MAGI3: variants seen among roughly 807,000 people sequenced by gnomAD.
The protein encoded by MAGI3 is membrane-associated guanylate kinase, WW and PDZ domain-containing protein 3.
A neutral mutation model predicts 121.8 loss-of-function variants in MAGI3; 43 were observed. That is an observed-to-expected ratio of 0.35 (90% CI 0.28 to 0.46). MAGI3 has a LOEUF of 0.46. Among genes scored for constraint, MAGI3 ranks in the 20% least tolerant of loss-of-function variants. The pLI, the probability that MAGI3 is intolerant of heterozygous loss-of-function variation, is 1.00. For missense variants in MAGI3, 1,547 were observed against 1,797.3 expected (o/e 0.86, Z 2.52); for synonymous variants, 553 against 639.3 (o/e 0.86, Z 2.04).
intron 4 of MAGI3, among the ~76,000 whole-genome samples, chr1:113,586,527 A>G (rs1045067454): frequency 2.0e-5 from 3 of 152,172 alleles, no homozygotes; most frequent in African/African-American, 7.2e-5. Flanking sequence ...TCTTTCACAT[A>G]ATACGTTTAA....
chr1:113,668,874 GC>G (rs1647348916), intron 16 of MAGI3, among the ~76,000 whole-genome samples: 1 of 152,098 alleles, frequency 6.6e-6, no homozygotes, highest in African/African-American at 2.4e-5. Flanking sequence ...GAGCCACCGC[GC>G]CCGGCCAAAA....
At chr1:113,423,025 T>C (rs1020117566) in intron 1 of MAGI3, among the ~76,000 whole-genome samples, 3 of 152,146 alleles carry the variant, frequency 2.0e-5, no homozygotes, top group Admixed American at 2.0e-4. Context: ...TGCCCACAGC[T>C]TGGTGAGCCG....
chr1:113,470,259 C>A (rs1655480606), intron 1 of MAGI3, among the ~76,000 whole-genome samples: 1 of 151,924 alleles, frequency 6.6e-6, no homozygotes, highest in Non-Finnish European at 1.5e-5. Flanking sequence ...CATCCAGGGA[C>A]CTTGTTTTGT....
chr1:113,577,707 T>C (rs1484121557), intron 2 of MAGI3, among the ~76,000 whole-genome samples: 1 of 152,108 alleles, frequency 6.6e-6, no homozygotes, highest in Non-Finnish European at 1.5e-5. Flanking sequence ...CACATACCAT[T>C]CATATCTGTC....
In MAGI3 at chr1:113,683,472, T is replaced by A; in HGVS notation, c.3904T>A (p.Ser1302Thr). 1 of 1,613,902 alleles carries A rather than the reference T, an allele frequency of 6.2e-7. No individual in the cohort carries two copies. Among genetic ancestry groups the A allele is most frequent in the Non-Finnish European group, 8.5e-7 (1 of 1,179,888 alleles). ...AAAAATTGAAGGAAGCAAAGCTCCATCAAATGCTGAGGCCAAATTATTAGA... is the reference window on the plus strand; with the variant it reads ...AAAAATTGAAGGAAGCAAAGCTCCAACAAATGCTGAGGCCAAATTATTAGA... ...QQKIEGSKAP[S>T]NAEAKLLEGK... The change falls in exon 21 of 21, where the codon TCA (serine) becomes ACA (threonine). Residue 1302 changes from serine (S) to threonine (T), a missense_variant. Ser to Thr is a moderately conservative substitution (Grantham distance 58). Coordinates refer to ENST00000307546, the MANE Select transcript of MAGI3 (RefSeq NM_001142782.2).
intron 1 of MAGI3, among the ~76,000 whole-genome samples, chr1:113,463,951 G>A (rs1377330537): frequency 6.6e-6 from 1 of 152,056 alleles, no homozygotes; most frequent in Non-Finnish European, 1.5e-5. Flanking sequence ...GATCAAATCA[G>A]TGTTCTTGGG....
intron 1 of MAGI3, among the ~76,000 whole-genome samples, chr1:113,526,127 C>T (rs1055975238): frequency 6.6e-6 from 1 of 152,154 alleles, no homozygotes; most frequent in African/African-American, 2.4e-5. Flanking sequence ...ATATTTCAGT[C>T]TCATTTTATT....
At chr1:113,592,960 C>T (rs1160579565) in intron 5 of MAGI3, among the ~76,000 whole-genome samples, 5 of 152,028 alleles carry the variant, frequency 3.3e-5, no homozygotes, top group Non-Finnish European at 5.9e-5. Flanking sequence ...TGCAGTGAGC[C>T]GAGATCGGGC....
intron 1 of MAGI3, among the ~76,000 whole-genome samples, chr1:113,420,088 C>T (rs1018626045): frequency 2.0e-5 from 3 of 152,152 alleles, no homozygotes; most frequent in Non-Finnish European, 4.4e-5. Context: ...TAAGGGAGAA[C>T]TTTCTAACCA....
In MAGI3 at chr1:113,460,918, A is replaced by T. The variant is rs111515576; in HGVS notation, c.316+69569A>T. Among the ~76,000 whole-genome samples the T allele has an allele frequency of 2.9e-3, 442 of 152,340 alleles. 1 individual carries two copies. Among genetic ancestry groups the T allele is most frequent in the African/African-American group, 0.01 (431 of 41,574 alleles). ...CAAAATCAATGTACAAAAATTTACTAGCATTCCTATACACCAACAACAGCC... is the reference window on the plus strand; with the variant it reads ...CAAAATCAATGTACAAAAATTTACTTGCATTCCTATACACCAACAACAGCC... On this transcript the variant is annotated intron_variant, in intron 1 of 20. Transcript: ENST00000307546.
intron 15 of MAGI3, among the ~76,000 whole-genome samples, chr1:113,657,792 T>C (rs1382705987): frequency 1.3e-5 from 2 of 152,188 alleles, no homozygotes; most frequent in Non-Finnish European, 2.9e-5. Flanking sequence ...GTAAGGAAAA[T>C]AGAATAATAA....
At chr1:113,628,194 A>G (rs1272302329) in intron 9 of MAGI3, among the ~76,000 whole-genome samples, 1 of 151,636 alleles carries the variant, frequency 6.6e-6, no homozygotes, top group East Asian at 1.9e-4. Context: ...GTATTTTTTT[A>G]TTTGAGTTTA....
chr1:113,485,118 A>T (rs1035788948), intron 1 of MAGI3, among the ~76,000 whole-genome samples: 5 of 152,152 alleles, frequency 3.3e-5, no homozygotes, highest in African/African-American at 1.2e-4. Flanking sequence ...TGTGCGCTAT[A>T]AACATGCATG....
chr1:113,398,184 T>C (rs978324092), intron 1 of MAGI3, among the ~76,000 whole-genome samples: 3 of 152,178 alleles, frequency 2.0e-5, no homozygotes, highest in Non-Finnish European at 4.4e-5. Context: ...ATTTGACTTA[T>C]GACATATCTA....
chr1:113,585,406 C>T lies in MAGI3; in HGVS notation c.573C>T (p.Pro191=), dbSNP rs371029823. 1.9e-6 allele frequency: 3 copies of T among 1,613,964 alleles called. No individual in the cohort carries two copies. Among genetic ancestry groups the T allele is most frequent in the Non-Finnish European group, 2.5e-6 (3 of 1,179,932 alleles). The change falls in exon 4 of 21, where the codon CCC becomes CCT. Residue 191 remains proline, a synonymous_variant. Transcript: ENST00000307546. ...CTTCAGGAAACTTCTATGGAACTCC[C>T]AAGCCTCCAGCAGAACCCAGCCCTT... The part of the protein sequence containing the change: ...GTYDGNFYGT[P]KPPAEPSPFQ...
intron 1 of MAGI3, among the ~76,000 whole-genome samples, chr1:113,468,358 C>CTATT (rs1655388717): frequency 6.6e-6 from 1 of 152,044 alleles, no homozygotes; most frequent in Non-Finnish European, 1.5e-5. Context: ...TTTGGTGAAT[C>CTATT]TATTACAGGT....
chr1:113,465,611 A>C (rs1213034434), intron 1 of MAGI3, among the ~76,000 whole-genome samples: 3 of 152,184 alleles, frequency 2.0e-5, no homozygotes, highest in African/African-American at 7.2e-5. Context: ...CATAGTAACA[A>C]TATTAATTCT....
chr1:113,407,028 A>G (rs1472377457), intron 1 of MAGI3, among the ~76,000 whole-genome samples: 1 of 152,200 alleles, frequency 6.6e-6, no homozygotes, highest in Admixed American at 6.5e-5. Context: ...GCTGGCACCA[A>G]CTAAATGAGG....
chr1:113,623,106 A>G, intron 9 of MAGI3, 112 bp downstream of exon 9: 1 of 737,044 alleles, frequency 1.4e-6, no homozygotes, highest in Non-Finnish European at 2.0e-6. Context: ...ATAACTAAAG[A>G]AAGAGATTCC....
Sources: allele counts gnomAD v4.1 joint callset (sites outside exome capture counted in the v4.1 genomes callset), GRCh38; gene constraint gnomAD v4.1.1; transcripts MANE v1.5; gene names NCBI Gene and HGNC (gene_info 2026-07-23, HGNC 2026-07-21).